Variants in BARD1 observed in about 807,000 individuals in gnomAD.
The protein encoded by BARD1 is BRCA1 associated RING domain 1.
In BARD1, 73 loss-of-function variants were observed where a neutral mutation model predicts 77.0. That is an observed-to-expected ratio of 0.95 (90% CI 0.79 to 1.15). The LOEUF (loss-of-function observed/expected upper bound fraction) is 1.15, where lower values mean the gene tolerates loss of function less well. Ranked by LOEUF, BARD1 falls within the 50% of genes most tolerant of loss-of-function variation. BARD1 has a pLI of 0.00. For synonymous variants in BARD1, 384 were observed against 338.0 expected, an observed-to-expected ratio of 1.14 and a Z score of -1.49; for missense variants, 993 against 938.8, an observed-to-expected ratio of 1.06 and a Z score of -0.75.
intron 1 of BARD1, among the ~76,000 whole-genome samples, chr2:214,804,522 T>C (rs1273279718): frequency 2.0e-5 from 3 of 152,204 alleles, no homozygotes; most frequent in Non-Finnish European, 4.4e-5. Context: ...TGAACACCAA[T>C]GATTTGTGCC....
intron 3 of BARD1, among the ~76,000 whole-genome samples, chr2:214,782,780 A>G (rs1165262010): frequency 6.6e-6 from 1 of 152,202 alleles, no homozygotes. Context: ...CAATGCAGAA[A>G]AGGGATATAA....
In BARD1 at chr2:214,797,097, G is replaced by A. The variant is rs1553625768; in HGVS notation, c.179C>T (p.Pro60Leu). 6.2e-7 allele frequency: 1 copy of A among 1,612,868 alleles called. No individual in the cohort carries two copies. The highest frequency in any genetic ancestry group is 8.5e-7 in the Non-Finnish European group (1 of 1,179,164). ...GTGCTCACATCCTCCTAAACACACA[G>A]GCTCTCTCAGAATGTTAGTACTGTT... is the stretch of plus-strand genomic sequence containing the variant. ...CSRCTNILRE[P>L]VCLGGCEHIF... is the part of the protein sequence containing the mutation. Residue 60 changes from proline to leucine, a missense_variant, in exon 2 of 11, where the codon CCT (proline) becomes CTT (leucine). Transcript: ENST00000260947.
chr2:214,764,831 C>G (rs769039136), intron 6 of BARD1, among the ~76,000 whole-genome samples: 16 of 152,076 alleles, frequency 1.1e-4, no homozygotes, highest in Non-Finnish European at 2.4e-4. Context: ...ACAACAATGA[C>G]TACGACATGT....
intron 3 of BARD1, among the ~76,000 whole-genome samples, chr2:214,788,756 A>G (rs1016619667): frequency 1.3e-5 from 2 of 152,052 alleles, no homozygotes; most frequent in African/African-American, 4.8e-5. Flanking sequence ...TCATTTTCCA[A>G]TCTCCTTACT....
At chr2:214,730,763 TA>T in intron 9 of BARD1, 1 of 496,122 alleles carries the variant, frequency 2.0e-6, no homozygotes, top group South Asian at 2.0e-5. Context: ...ACACTAACTG[TA>T]ATTTTAATCT....
At chr2:214,769,822 CT>C (rs1694394471) in intron 4 of BARD1, among the ~76,000 whole-genome samples, 1 of 152,158 alleles carries the variant, frequency 6.6e-6, no homozygotes, top group Admixed American at 6.6e-5. Context: ...TGAATATAGA[CT>C]ACAAAATCTA....
At chr2:214,783,022 G>A (rs1695111072) in intron 3 of BARD1, among the ~76,000 whole-genome samples, 1 of 152,128 alleles carries the variant, frequency 6.6e-6, no homozygotes. Context: ...ATAGCAGAGA[G>A]CATACAAAGT....
rs572289743 is a variant in BARD1, at chr2:214,725,792, T to A, written c.*2884A>T. 4.4e-4 allele frequency: 98 copies of A among 222,362 alleles called. No individual in the cohort carries two copies. Among genetic ancestry groups the A allele is most frequent in the Non-Finnish European group, 2.1e-4 (23 of 111,192 alleles). The allele number at this position is 222,362 out of a possible 1,614,324, so 13.8% of individuals were successfully genotyped here. ...TTTTAGTAATTAAATAAGACAAGCA[T>A]TAGTTCCTACCATTTTAATGTGTTC... On this transcript the variant is annotated 3_prime_UTR_variant, in exon 11 of 11. Transcript: ENST00000260947.
chr2:214,790,366 G>A (rs964491026), intron 3 of BARD1, among the ~76,000 whole-genome samples: 4 of 152,080 alleles, frequency 2.6e-5, no homozygotes, highest in African/African-American at 7.2e-5. Context: ...AAAATGAAGC[G>A]ATACTGGAGT....
chr2:214,807,480 G>A (rs1020931853), intron 1 of BARD1, among the ~76,000 whole-genome samples: 2 of 152,108 alleles, frequency 1.3e-5, no homozygotes, highest in Non-Finnish European at 2.9e-5. Flanking sequence ...CATTCTTTTA[G>A]ATTAAGACAC....
rs1338581234 is a variant in BARD1, at chr2:214,726,895, CTT to C, written c.*1779_*1780del. On this transcript the variant is annotated 3_prime_UTR_variant, in exon 11 of 11. Coordinates refer to ENST00000260947, the MANE Select transcript of BARD1 (RefSeq NM_000465.4). ...AAAAACTAAGAGACCTCATAGGTGTCTTTACAATCAGGAATTCAGATGCAAGG... is the reference window on the plus strand; with the variant it reads ...AAAAACTAAGAGACCTCATAGGTGTCTACAATCAGGAATTCAGATGCAAGG... 4.4e-6 allele frequency: 1 copy of C among 228,696 alleles called. No homozygotes were observed. The highest frequency in any genetic ancestry group is 2.2e-5 in the African/African-American group (1 of 45,124). The allele number at this position is 228,696 out of a possible 1,614,324, so 14.2% of individuals were successfully genotyped here.
intron 4 of BARD1, among the ~76,000 whole-genome samples, chr2:214,773,390 C>T (rs1694597873): frequency 6.6e-6 from 1 of 152,064 alleles, no homozygotes; most frequent in South Asian, 2.1e-4. Flanking sequence ...TTAAAACAAA[C>T]AAACAAAAAT....
intron 4 of BARD1, among the ~76,000 whole-genome samples, chr2:214,773,764 G>A (rs542720662): frequency 6.6e-6 from 1 of 152,302 alleles, no homozygotes; most frequent in African/African-American, 2.4e-5. Context: ...AGTTGCTGAA[G>A]GTTTGGGTGG....
Position 214,764,143 on chromosome 2 carries a change from G to A in BARD1, c.1568+3339C>T, listed in dbSNP as rs568869079. ...CACAGTAAAGGTAGTGGCAGAAGGA[G>A]GCAATTCCCATTTTCATGTCATCTG... On this transcript the variant is annotated intron_variant, in intron 6 of 10. Coordinates refer to ENST00000260947, the MANE Select transcript of BARD1 (RefSeq NM_000465.4). Among the ~76,000 whole-genome samples, 90 of 152,288 alleles carry A rather than the reference G, an allele frequency of 5.9e-4. 2 individuals are homozygous for A. In the South Asian group the frequency reaches 6.4e-3, roughly 11 times the overall value.
chr2:214,790,314 T>C (rs1695458623), intron 3 of BARD1, among the ~76,000 whole-genome samples: 1 of 152,162 alleles, frequency 6.6e-6, no homozygotes, highest in Non-Finnish European at 1.5e-5. Flanking sequence ...ACTTAGAATG[T>C]GACTTTACTT....
chr2:214,793,456 C>A (rs192784757), intron 2 of BARD1, among the ~76,000 whole-genome samples: 123 of 152,232 alleles, frequency 8.1e-4, no homozygotes, highest in African/African-American at 2.8e-3. Context: ...AGCAAAGGAT[C>A]TTCTGTACAT....
intron 2 of BARD1, 101 bp downstream of exon 2, chr2:214,796,960 G>T: frequency 1.0e-6 from 1 of 964,614 alleles, no homozygotes; most frequent in Non-Finnish European, 1.7e-6. Flanking sequence ...GACTTTGAAA[G>T]TTACACAAAC....
In BARD1 at chr2:214,798,270, T is replaced by C. The variant is rs578095193; in HGVS notation, c.159-1153A>G. On this transcript the variant is annotated intron_variant, in intron 1 of 10. Transcript: ENST00000260947. ...TCAAGATACTGAAAATGGTGCTCAC[T>C]GACGTTACAAAACCTATTACTTTTT... Among the ~76,000 whole-genome samples the C allele has an allele frequency of 1.1e-4, 17 of 152,298 alleles. No homozygotes were observed. In the South Asian group the frequency reaches 3.1e-3, roughly 28 times the overall value.
intron 6 of BARD1, among the ~76,000 whole-genome samples, chr2:214,754,980 G>GGAT (rs201407568): frequency 0.016 from 2,436 of 152,232 alleles, 73 homozygotes; most frequent in African/African-American, 0.055. Flanking sequence ...AAGAGAAGAT[G>GGAT]GGGCATGTGT....
Sources: allele counts gnomAD v4.1 joint callset (sites outside exome capture counted in the v4.1 genomes callset), GRCh38; gene constraint gnomAD v4.1.1; transcripts MANE v1.5; gene names NCBI Gene and HGNC (gene_info 2026-07-23, HGNC 2026-07-21).